RALYL: variants seen among roughly 807,000 people sequenced by gnomAD.
RALYL encodes RALY RNA binding protein like.
Under a neutral mutation model 35.1 loss-of-function variants are expected in RALYL, and 29 were observed. The ratio of observed to expected loss-of-function variants is 0.83; its 90% CI spans 0.61 to 1.13. The LOEUF (loss-of-function observed/expected upper bound fraction) is 1.13, where lower values mean the gene tolerates loss of function less well. Among genes scored for constraint, RALYL ranks in the 50% most tolerant of loss-of-function variants. RALYL has a pLI of 0.00. For synonymous variants in RALYL, 120 were observed against 127.6 expected, an observed-to-expected ratio of 0.94 and a Z score of 0.40; for missense variants, 359 against 360.4, an observed-to-expected ratio of 1.00 and a Z score of 0.03.
intron 1 of RALYL, among the ~76,000 whole-genome samples, chr8:84,483,052 A>G (rs1048890377): frequency 6.6e-6 from 1 of 152,102 alleles, no homozygotes; most frequent in African/African-American, 2.4e-5. Context: ...ATTGTACAGT[A>G]CACTTTGAAA....
chr8:84,729,624 G>T (rs144878071), intron 2 of RALYL, among the ~76,000 whole-genome samples: 2,517 of 152,172 alleles, frequency 0.017, 79 homozygotes, highest in African/African-American at 0.056. Context: ...CAATGAAATT[G>T]TTAGACCGCT....
chr8:84,825,501 T>G (rs1024857448), intron 4 of RALYL, among the ~76,000 whole-genome samples: 3 of 152,092 alleles, frequency 2.0e-5, no homozygotes, highest in Admixed American at 6.6e-5. Flanking sequence ...ACGGGGTATA[T>G]ATCCAAAAGT....
intron 1 of RALYL, among the ~76,000 whole-genome samples, chr8:84,479,617 G>T (rs1459497505): frequency 3.3e-5 from 5 of 151,980 alleles, no homozygotes; most frequent in Admixed American, 2.6e-4. Flanking sequence ...TATATCGTTG[G>T]TATATCTAAT....
At chr8:84,322,099 A>C (rs746221760) in intron 1 of RALYL, among the ~76,000 whole-genome samples, 14 of 152,138 alleles carry the variant, frequency 9.2e-5, no homozygotes, top group Non-Finnish European at 2.1e-4. Flanking sequence ...CTCCTCCCTC[A>C]GTAACTGATA....
At chr8:84,484,156 C>T (rs751135563) in intron 1 of RALYL, among the ~76,000 whole-genome samples, 6 of 152,094 alleles carry the variant, frequency 3.9e-5, no homozygotes, top group Non-Finnish European at 7.4e-5. Context: ...GTAACTTTTA[C>T]ATTCAATAAC....
At chr8:84,710,574 T>TAATATTTCATCCACTAAGCCAATCACAAG (rs1456498102) in intron 2 of RALYL, among the ~76,000 whole-genome samples, 1 of 152,068 alleles carries the variant, frequency 6.6e-6, no homozygotes, top group Admixed American at 6.6e-5. Flanking sequence ...AGTGCTGGGA[T>TAATATTTCATCCACTAAGCCAATCACAAG]TACAGTTGTG....
chr8:84,655,272 C>T (rs920463008), intron 2 of RALYL, among the ~76,000 whole-genome samples: 1 of 151,394 alleles, frequency 6.6e-6, no homozygotes, highest in Non-Finnish European at 1.5e-5. Flanking sequence ...TCTTTTGCCC[C>T]TTTTTAAATC....
chr8:84,917,613 CTG>C (rs1848690940), intron 8 of RALYL, among the ~76,000 whole-genome samples: 2 of 150,892 alleles, frequency 1.3e-5, no homozygotes, highest in South Asian at 4.2e-4. Flanking sequence ...TGATTCTCCC[CTG>C]TGTTTTCTGA....
At chr8:84,761,566 C>CA (rs1228942227) in intron 2 of RALYL, among the ~76,000 whole-genome samples, 1 of 152,044 alleles carries the variant, frequency 6.6e-6, no homozygotes, top group African/African-American at 2.4e-5. Flanking sequence ...AAAGTGACCA[C>CA]ATAGATACTA....
intron 7 of RALYL, among the ~76,000 whole-genome samples, chr8:84,875,482 T>A (rs532639836): frequency 6.6e-6 from 1 of 152,252 alleles, no homozygotes; most frequent in South Asian, 2.1e-4. Flanking sequence ...TCATGAGATG[T>A]CACTTACTTT....
At chr8:84,803,312 G>A (rs1479006563) in intron 3 of RALYL, among the ~76,000 whole-genome samples, 7 of 152,180 alleles carry the variant, frequency 4.6e-5, no homozygotes. Flanking sequence ...ATCATATTAT[G>A]TAGAATCCCC....
chr8:84,899,697 C>T (rs912754571), intron 8 of RALYL, among the ~76,000 whole-genome samples: 2 of 152,172 alleles, frequency 1.3e-5, no homozygotes, highest in Admixed American at 1.3e-4. Flanking sequence ...AAAGTCAACA[C>T]AGCAGTATTG....
intron 2 of RALYL, among the ~76,000 whole-genome samples, chr8:84,617,173 T>A (rs1030639859): frequency 1.3e-5 from 2 of 150,826 alleles, no homozygotes; most frequent in Admixed American, 1.3e-4. Flanking sequence ...ATCTATAAAT[T>A]ACCTTGGGCA....
chr8:84,834,994 G>C (rs1831664069), intron 4 of RALYL, among the ~76,000 whole-genome samples: 1 of 152,110 alleles, frequency 6.6e-6, no homozygotes, highest in African/African-American at 2.4e-5. Flanking sequence ...GTAAGAATGA[G>C]ACCTGAACAT....
At chr8:84,325,939 C>T (rs1586302353) in intron 1 of RALYL, among the ~76,000 whole-genome samples, 1 of 151,936 alleles carries the variant, frequency 6.6e-6, no homozygotes, top group African/African-American at 2.4e-5. Context: ...AGACCAGCCC[C>T]GTCTCTACCA....
Position 84,222,345 on chromosome 8 carries a change from C to T in RALYL, c.-24+37921C>T, listed in dbSNP as rs913356734. The stretch of plus-strand genomic sequence containing the variant: ...ATGTTACATCTATGCTGTGTTAACA[C>T]ACTAATTTTATTTATGTAGAAATAC... On this transcript the variant is annotated intron_variant, in intron 1 of 8. Coordinates refer to ENST00000521268, the MANE Select transcript of RALYL (RefSeq NM_173848.7). Among the ~76,000 whole-genome samples the T allele has an allele frequency of 5.3e-5, 8 of 152,206 alleles. No homozygotes were observed. In the South Asian group the frequency reaches 1.7e-3, roughly 32 times the overall value.
intron 2 of RALYL, among the ~76,000 whole-genome samples, chr8:84,768,609 T>C (rs1814671989): frequency 6.6e-6 from 1 of 152,190 alleles, no homozygotes; most frequent in Non-Finnish European, 1.5e-5. Context: ...AAATTGAAAG[T>C]GTGTGGCTGA....
chr8:84,574,203 T>A (rs932648269), intron 2 of RALYL, among the ~76,000 whole-genome samples: 1 of 152,052 alleles, frequency 6.6e-6, no homozygotes, highest in African/African-American at 2.4e-5. Flanking sequence ...ACCCTACTAT[T>A]AAAATATGAC....
intron 1 of RALYL, among the ~76,000 whole-genome samples, chr8:84,197,566 G>A (rs1265172943): frequency 6.6e-6 from 1 of 152,042 alleles, no homozygotes; most frequent in African/African-American, 2.4e-5. Context: ...CCAAACCATT[G>A]CTTTATTTTT....
Sources: gnomAD v4.1 joint callset for allele counts (sites outside exome capture counted in the v4.1 genomes callset) on GRCh38, gnomAD v4.1.1 for gene constraint, MANE v1.5 for transcripts, NCBI Gene and HGNC (gene_info 2026-07-23, HGNC 2026-07-21) for gene names.